The following PLAC9 variants were observed in gnomAD, a reference collection of about 807,000 sequenced individuals.
PLAC9 encodes the protein placenta-specific protein 9.
In PLAC9, 12 loss-of-function variants were observed where a neutral mutation model predicts 11.5. The ratio of observed to expected loss-of-function variants is 1.05; its 90% CI spans 0.67 to 1.69. The LOEUF is 1.69. Among genes scored for constraint, PLAC9 ranks in the 40% most tolerant of loss-of-function variants. PLAC9 has a pLI of 0.00. For missense variants in PLAC9, 132 were observed against 130.5 expected, an observed-to-expected ratio of 1.01 and a Z score of -0.06; for synonymous variants, 62 against 58.1, an observed-to-expected ratio of 1.07 and a Z score of -0.31.
chr10:80,142,206 C>T lies in PLAC9; in HGVS notation c.162+27C>T, dbSNP rs747330069. 49 of 1,560,048 alleles carry T rather than the reference C, an allele frequency of 3.1e-5. No homozygotes were observed. The East Asian group carries it at 3.4e-4, about 11-fold the overall frequency. ...TAACAGGGTGGTTTGGAAGGACATG[C>T]GAGTTCAGGACCACCTTCTAGGATG... On this transcript the variant is annotated intron_variant, in intron 2 of 3. Coordinates refer to ENST00000372263, the MANE Select transcript of PLAC9 (RefSeq NM_001012973.3).
At chr10:80,141,553 C>T (rs991348546) in intron 1 of PLAC9, among the ~76,000 whole-genome samples, 19 of 152,184 alleles carry the variant, frequency 1.2e-4, no homozygotes, top group African/African-American at 3.6e-4. Context: ...GAGCTGAGAT[C>T]GCACCATTGC....
chr10:80,132,937 G>GGAGA (rs1371059338), intron 1 of PLAC9, 111 bp downstream of exon 1: 2 of 899,472 alleles, frequency 2.2e-6, no homozygotes, highest in African/African-American at 1.8e-5. Context: ...GCAGCGAGAT[G>GGAGA]GACAGAGAGG....
Position 80,142,129 on chromosome 10 carries a change from G to C in PLAC9, c.112G>C (p.Ala38Pro). The C allele has an allele frequency of 6.2e-7, 1 of 1,611,752 alleles. No individual in the cohort carries two copies. Among genetic ancestry groups the C allele is most frequent in the Non-Finnish European group, 8.5e-7 (1 of 1,178,174 alleles). The change falls in exon 2 of 4, where the codon GCG (alanine) becomes CCG (proline). Residue 38 changes from alanine (A) to proline (P), a missense_variant. By Grantham distance (27) the Ala-to-Pro change is conservative. Transcript: ENST00000372263. ...GCGAGGAGACTCAGCTCAGAGCACA[G>C]CGTGTGACAGACACATGGCTGTGCA... ...PPRGDSAQST[A>P]CDRHMAVQRR...
At chr10:80,141,254 A>G (rs1183263223) in intron 1 of PLAC9, among the ~76,000 whole-genome samples, 1 of 152,060 alleles carries the variant, frequency 6.6e-6, no homozygotes, top group Non-Finnish European at 1.5e-5. Flanking sequence ...CCTCCAATCT[A>G]TTCCCTATAT....
At chr10:80,142,829 C>T (rs1177550608) in intron 2 of PLAC9, among the ~76,000 whole-genome samples, 2 of 151,898 alleles carry the variant, frequency 1.3e-5, no homozygotes, top group African/African-American at 4.8e-5. Flanking sequence ...AGCAATCCTC[C>T]CACCTCAGTC....
chr10:80,142,217 C>G, intron 2 of PLAC9, 38 bp downstream of exon 2: 1 of 1,524,312 alleles, frequency 6.6e-7, no homozygotes. Flanking sequence ...GAGTTCAGGA[C>G]CACCTTCTAG....
At position 80,136,872 on chromosome 10, in the gene PLAC9, C is replaced by T. The variant is rs7094717; in HGVS notation, c.64+4046C>T. On this transcript the variant is annotated intron_variant, in intron 1 of 3. Coordinates refer to ENST00000372263, the MANE Select transcript of PLAC9 (RefSeq NM_001012973.3). Reference sequence around the variant, plus strand: ...CCAAAAGACAGAAGAATTAAGGATGCGCTACACGGGGGAGTCAGGGCCTCA... The same window carrying T: ...CCAAAAGACAGAAGAATTAAGGATGTGCTACACGGGGGAGTCAGGGCCTCA... Among the ~76,000 whole-genome samples, 6 of 152,082 alleles carry T rather than the reference C, an allele frequency of 3.9e-5. No homozygotes were observed. The East Asian group carries it at 1.2e-3, about 29-fold the overall frequency.
At chr10:80,144,612 AG>A (rs1845080304) in intron 3 of PLAC9, among the ~76,000 whole-genome samples, 2 of 150,570 alleles carry the variant, frequency 1.3e-5, no homozygotes, top group South Asian at 4.2e-4. Context: ...CCCTGCGCGG[AG>A]AAACTGCCTC....
Position 80,144,987 on chromosome 10 carries a change from G to C in PLAC9, c.*77G>C. 6.6e-7 allele frequency: 1 copy of C among 1,512,168 alleles called. No homozygotes were observed. Among genetic ancestry groups the C allele is most frequent in the South Asian group, 1.2e-5 (1 of 83,362 alleles). 93.7% of individuals were successfully genotyped at this position (1,512,168 alleles called of 1,614,324 possible). A position where few individuals can be genotyped will look rare whatever the true frequency, so the allele number is the denominator to read the frequency against. On this transcript the variant is annotated 3_prime_UTR_variant, in exon 4 of 4. Transcript: ENST00000372263. ...CCCACAGAACCAGCCCTGTCCTCTC[G>C]ACTTCCTTCCTTAGCTTCATGTGAA...
At chr10:80,132,726 G>T, upstream of PLAC9, 1 of 1,435,538 alleles carries the variant, frequency 7.0e-7, no homozygotes, top group Non-Finnish European at 9.1e-7. Flanking sequence ...GGGCGGCTGC[G>T]GGCAGACGCG....
chr10:80,138,405 G>A (rs1337307810), intron 1 of PLAC9, among the ~76,000 whole-genome samples: 1 of 152,100 alleles, frequency 6.6e-6, no homozygotes, highest in African/African-American at 2.4e-5. Context: ...TCCCTCCCCA[G>A]ATTCAGCAAT....
intron 1 of PLAC9, among the ~76,000 whole-genome samples, chr10:80,134,151 G>T (rs541458794): frequency 1.5e-4 from 22 of 150,726 alleles, no homozygotes; most frequent in African/African-American, 5.1e-4. Context: ...GCTGCTTCAA[G>T]AAGTATCAGT....
In PLAC9 at chr10:80,142,091, C is replaced by G. The variant is rs370838879; in HGVS notation, c.74C>G (p.Pro25Arg). 4.4e-6 allele frequency: 7 copies of G among 1,607,788 alleles called. No individual in the cohort carries two copies. The African/African-American group carries it at 8.0e-5, about 18-fold the overall frequency. Residue 25 changes from proline (P) to arginine (R), a missense_variant, in exon 2 of 4, where the codon CCC becomes CGC. Coordinates refer to ENST00000372263, the MANE Select transcript of PLAC9 (RefSeq NM_001012973.3). ...RAAGSLAAAE[P>R]FSPPRGDSAQ... ...ACTTGTTTTCCCACAGCTGCCGAAC[C>G]CTTCAGCCCTCCGCGAGGAGACTCA...
chr10:80,136,762 C>T (rs1457860547), intron 1 of PLAC9, among the ~76,000 whole-genome samples: 3 of 152,122 alleles, frequency 2.0e-5, no homozygotes, highest in South Asian at 2.1e-4. Context: ...ATCCTCTTGC[C>T]TCAGCCTCCT....
At chr10:80,144,156 G>T in intron 2 of PLAC9, 67 bp from the exon 3 acceptor site, 1 of 1,609,194 alleles carries the variant, frequency 6.2e-7, no homozygotes, top group Non-Finnish European at 8.5e-7. Flanking sequence ...GCTCTCTTAG[G>T]ACCTAGCTGA....
chr10:80,142,108 G>A lies in PLAC9; in HGVS notation c.91G>A (p.Gly31Arg). The A allele has an allele frequency of 6.2e-7, 1 of 1,610,918 alleles. No individual in the cohort carries two copies. ...TGCCGAACCCTTCAGCCCTCCGCGA[G>A]GAGACTCAGCTCAGAGCACAGCGTG... ...AAAEPFSPPR[G>R]DSAQSTACDR... Residue 31 changes from glycine (G) to arginine (R), a missense_variant, in exon 2 of 4, where the codon GGA (glycine) becomes AGA (arginine). Gly to Arg is a moderately radical substitution (Grantham distance 125). Transcript: ENST00000372263.
At chr10:80,132,317 G>C (rs1051447030), upstream of PLAC9, among the ~76,000 whole-genome samples, 2 of 152,192 alleles carry the variant, frequency 1.3e-5, no homozygotes, top group Non-Finnish European at 2.9e-5. Flanking sequence ...CCAGGAGACA[G>C]GGGTTCAGAT....
chr10:80,134,121 C>T (rs2789684), intron 1 of PLAC9, among the ~76,000 whole-genome samples: 70,758 of 151,734 alleles, frequency 0.47, 18,781 homozygotes, highest in Non-Finnish European at 0.59. Context: ...GTGAAAGAAT[C>T]ATGTAATATA....
At chr10:80,143,835 G>A (rs1387616496) in intron 2 of PLAC9, among the ~76,000 whole-genome samples, 1 of 152,158 alleles carries the variant, frequency 6.6e-6, no homozygotes, top group Non-Finnish European at 1.5e-5. Flanking sequence ...CATACACAGG[G>A]AAAAACCATT....
Sources: allele counts gnomAD v4.1 joint callset (sites outside exome capture counted in the v4.1 genomes callset), GRCh38; gene constraint gnomAD v4.1.1; transcripts MANE v1.5; gene names NCBI Gene and HGNC (gene_info 2026-07-23, HGNC 2026-07-21).